STIL: variants seen among roughly 807,000 people sequenced by gnomAD.
The protein encoded by STIL is SCL-interrupting locus protein.
Under a neutral mutation model 110.1 loss-of-function variants are expected in STIL, and 55 were observed. The observed-to-expected ratio is 0.50, with a 90% CI of 0.40 to 0.63. The LOEUF (loss-of-function observed/expected upper bound fraction) is 0.63. STIL is among the 20% of genes least tolerant of loss of function. STIL has a pLI of 0.00. For synonymous variants in STIL, 481 were observed against 530.0 expected, an observed-to-expected ratio of 0.91 and a Z score of 1.27; for missense variants, 1,358 against 1,530.0, an observed-to-expected ratio of 0.89 and a Z score of 1.87.
In STIL at chr1:47,260,279, TAA is replaced by T. The variant is rs1481620170; in HGVS notation, c.3080+8_3080+9del. On this transcript the variant is annotated splice_region_variant and intron_variant, in intron 16 of 16. Coordinates refer to ENST00000371877, the MANE Select transcript of STIL (RefSeq NM_001048166.1). ...TTATTCACTCTTTAAAACAAAATTTTAAAAGTTACCTGGCGTGATCCACGTTA... is the reference window on the plus strand; with the variant it reads ...TTATTCACTCTTTAAAACAAAATTTTAAGTTACCTGGCGTGATCCACGTTA... 6.2e-7 allele frequency: 1 copy of T among 1,604,446 alleles called. No homozygotes were observed. The highest frequency in any genetic ancestry group is 8.5e-7 in the Non-Finnish European group (1 of 1,176,870).
rs1301892141 is a variant in STIL, at chr1:47,293,480, A to G, written c.850T>C (p.Phe284Leu). The G allele has an allele frequency of 1.1e-5, 17 of 1,613,314 alleles. No homozygotes were observed. The highest frequency in any genetic ancestry group is 2.7e-5 in the African/African-American group (2 of 75,008). Residue 284 changes from phenylalanine (F) to leucine (L), a missense_variant, in exon 8 of 17, where the codon TTC becomes CTC. Transcript: ENST00000371877. ...TGCCTTTCTTGAACAGAAGAATTGA[A>G]TATGTATCGCAAACAGCAAGCCCAT... ...QVWACCLRYIFNSSVQERVFS... is the reference protein window; with the variant it reads ...QVWACCLRYILNSSVQERVFS...
intron 14 of STIL, among the ~76,000 whole-genome samples, chr1:47,263,691 T>C (rs965199993): frequency 6.6e-6 from 1 of 151,868 alleles, no homozygotes; most frequent in Non-Finnish European, 1.5e-5. Flanking sequence ...TTGATGGCAA[T>C]GGAAATTTTT....
Position 47,289,071 on chromosome 1 carries a change from A to AAC in STIL, c.1023+363_1023+364insGT, listed in dbSNP as rs1557751644. Reference sequence around the variant, plus strand: ...AGTGAGATTCCATCTCAAAAAAAAAAAAAAAAAAAAAAAAACATCAGGACA... The same window carrying AAC: ...AGTGAGATTCCATCTCAAAAAAAAAAACAAAAAAAAAAAAAAACATCAGGACA... On this transcript the variant is annotated intron_variant, in intron 9 of 16. Transcript: ENST00000371877. Among the ~76,000 whole-genome samples, 5 of 149,836 alleles carry AAC rather than the reference A, an allele frequency of 3.3e-5. No individual in the cohort carries two copies. In the East Asian group the frequency reaches 7.8e-4, roughly 23 times the overall value.
chr1:47,265,915 C>T (rs1226090553), intron 14 of STIL, among the ~76,000 whole-genome samples: 2 of 151,796 alleles, frequency 1.3e-5, no homozygotes, highest in Non-Finnish European at 2.9e-5. Flanking sequence ...GCCTCCCGAA[C>T]AGCTGGGACC....
chr1:47,309,653 G>GA (rs1646065501), intron 2 of STIL, among the ~76,000 whole-genome samples: 1 of 152,104 alleles, frequency 6.6e-6, no homozygotes, highest in South Asian at 2.1e-4. Context: ...TTCCCTAGGG[G>GA]AAAAAAGAGC....
chr1:47,258,992 C>CTTTTTTT lies in STIL; in HGVS notation c.3080+1290_3080+1296dup, dbSNP rs549227243. On this transcript the variant is annotated intron_variant, in intron 16 of 16. Transcript: ENST00000371877. ...GAAATGGTTAAGAGAAGTAACTTTG[C>CTTTTTTT]TTTTTTTTTTTTTTGAGACAGTCTT... 2.1e-4 allele frequency among the ~76,000 whole-genome samples: 20 copies of CTTTTTTT among 94,422 alleles called. 3 individuals carry two copies. Among genetic ancestry groups the CTTTTTTT allele is most frequent in the African/African-American group, 7.3e-4 (16 of 21,782 alleles). 61.9% of individuals were successfully genotyped at this position (94,422 alleles called of 152,430 possible).
At position 47,267,489 on chromosome 1, in the gene STIL, G is replaced by A. The variant is rs185491147; in HGVS notation, c.2615+2146C>T. 5.9e-5 allele frequency among the ~76,000 whole-genome samples: 9 copies of A among 151,924 alleles called. No homozygotes were observed. The East Asian group carries it at 1.6e-3, about 26-fold the overall frequency. ...AAAGGCCGAGGCAGGTGGCTAACCT[G>A]AGGTCAGGAGTTCAAGACCACCCTG... On this transcript the variant is annotated intron_variant, in intron 14 of 16. Coordinates refer to ENST00000371877, the MANE Select transcript of STIL (RefSeq NM_001048166.1).
chr1:47,313,309 G>A (rs1028989964), intron 1 of STIL, among the ~76,000 whole-genome samples: 47 of 150,742 alleles, frequency 3.1e-4, no homozygotes, highest in African/African-American at 1.1e-3. Context: ...GGGCCAAAGA[G>A]TGAAACTGCG....
At chr1:47,257,873 C>G (rs1392551077) in intron 16 of STIL, among the ~76,000 whole-genome samples, 3 of 152,176 alleles carry the variant, frequency 2.0e-5, no homozygotes, top group East Asian at 3.8e-4. Context: ...CTCTTATAGG[C>G]TGGCTCATAG....
Position 47,280,702 on chromosome 1 carries a change from C to A in STIL, c.1756G>T (p.Glu586Ter). 1 of 1,614,128 alleles carries A rather than the reference C, an allele frequency of 6.2e-7. No homozygotes were observed. ...AGTGGGGGAGTAGGTATCTGAAGTT[C>A]CATTGGTCTTCCTGAATTATGGGGT... The part of the protein sequence containing the change: ...FSPHNSGRPM[E>*]LQIPTPPLPS... Residue 586 changes from glutamate to a stop codon, truncating the protein, a stop_gained, in exon 12 of 17, where the codon GAA becomes TAA. Coordinates refer to ENST00000371877, the MANE Select transcript of STIL (RefSeq NM_001048166.1). LOFTEE classifies it high-confidence loss of function.
chr1:47,308,909 G>A (rs1421528976), intron 2 of STIL, among the ~76,000 whole-genome samples: 5 of 151,942 alleles, frequency 3.3e-5, no homozygotes, highest in African/African-American at 1.2e-4. Context: ...CAAGTTAGCT[G>A]GGCATGGTGG....
intron 8 of STIL, among the ~76,000 whole-genome samples, chr1:47,292,936 A>G (rs1350470551): frequency 6.6e-6 from 1 of 152,200 alleles, no homozygotes; most frequent in Non-Finnish European, 1.5e-5. Context: ...ACAAATACTG[A>G]CAAAGATGTC....
At chr1:47,271,139 T>C (rs1644823840) in intron 13 of STIL, among the ~76,000 whole-genome samples, 1 of 152,070 alleles carries the variant, frequency 6.6e-6, no homozygotes, top group African/African-American at 2.4e-5. Flanking sequence ...TACCTATGAG[T>C]ATTGGAAAAG....
At chr1:47,275,963 C>T (rs1644978527) in intron 12 of STIL, among the ~76,000 whole-genome samples, 1 of 150,708 alleles carries the variant, frequency 6.6e-6, no homozygotes, top group African/African-American at 2.4e-5. Context: ...AGGAAGAAGG[C>T]TTTTCTAAAC....
intron 2 of STIL, 112 bp from the exon 3 acceptor site, chr1:47,305,108 T>C (rs1645916173): frequency 2.6e-6 from 2 of 781,936 alleles, no homozygotes; most frequent in Non-Finnish European, 4.4e-6. Flanking sequence ...ACTACTTTTG[T>C]AATTTTCAAA....
chr1:47,267,338 T>G (rs1274366226), intron 14 of STIL, among the ~76,000 whole-genome samples: 2 of 152,196 alleles, frequency 1.3e-5, no homozygotes, highest in African/African-American at 4.8e-5. Context: ...TGATATTTAG[T>G]GTCTAGTTTT....
chr1:47,261,739 C>G (rs1644491132), intron 15 of STIL, among the ~76,000 whole-genome samples: 1 of 129,740 alleles, frequency 7.7e-6, no homozygotes, highest in South Asian at 2.4e-4. Context: ...CAGTGAGACT[C>G]TGTCTCAAAA....
At chr1:47,309,791 G>T (rs1301376022) in intron 2 of STIL, among the ~76,000 whole-genome samples, 1 of 152,172 alleles carries the variant, frequency 6.6e-6, no homozygotes, top group Non-Finnish European at 1.5e-5. Context: ...AACATCTGAG[G>T]AAACTTGGTA....
At chr1:47,259,606 G>C (rs1443428313) in intron 16 of STIL, among the ~76,000 whole-genome samples, 1 of 152,018 alleles carries the variant, frequency 6.6e-6, no homozygotes, top group African/African-American at 2.4e-5. Context: ...AGTAACTTTG[G>C]AAGAGTCAGG....
Sources: gnomAD v4.1 joint callset for allele counts (sites outside exome capture counted in the v4.1 genomes callset) on GRCh38, gnomAD v4.1.1 for gene constraint, MANE v1.5 for transcripts, NCBI Gene and HGNC (gene_info 2026-07-23, HGNC 2026-07-21) for gene names.